TMC1: variants seen among roughly 807,000 people sequenced by gnomAD.
The protein encoded by TMC1 is transmembrane channel-like protein 1.
A neutral mutation model predicts 105.8 loss-of-function variants in TMC1; 84 were observed. The ratio of observed to expected loss-of-function variants is 0.79; its 90% CI spans 0.67 to 0.95. The LOEUF (loss-of-function observed/expected upper bound fraction) is 0.95, where lower values mean the gene tolerates loss of function less well. Among genes scored for constraint, TMC1 ranks in the 40% least tolerant of loss-of-function variants. The pLI is 0.00. For synonymous variants in TMC1, 315 were observed against 311.5 expected, an observed-to-expected ratio of 1.01 and a Z score of -0.12; for missense variants, 817 against 914.1, an observed-to-expected ratio of 0.89 and a Z score of 1.37.
intron 5 of TMC1, among the ~76,000 whole-genome samples, chr9:72,656,791 C>G: frequency 6.6e-6 from 1 of 151,870 alleles, no homozygotes; most frequent in African/African-American, 2.4e-5. Flanking sequence ...TTTTTTTCCC[C>G]CCTCCGGGAT....
chr9:72,666,437 G>T (rs1017134363), intron 5 of TMC1, among the ~76,000 whole-genome samples: 1 of 152,080 alleles, frequency 6.6e-6, no homozygotes, highest in Non-Finnish European at 1.5e-5. Flanking sequence ...CTTCTTCTTT[G>T]TGACTTTGCT....
chr9:72,636,684 G>A (rs1825538860), intron 4 of TMC1, among the ~76,000 whole-genome samples: 1 of 129,114 alleles, frequency 7.7e-6, no homozygotes, highest in Admixed American at 9.1e-5. Flanking sequence ...CTCCAGCCTG[G>A]GTGACAGAGC....
chr9:72,730,909 A>T (rs1398029458), intron 8 of TMC1, among the ~76,000 whole-genome samples: 1 of 152,212 alleles, frequency 6.6e-6, no homozygotes, highest in East Asian at 1.9e-4. Flanking sequence ...GTGACTGCTG[A>T]TCTGACAGCA....
At chr9:72,739,368 A>G (rs1220127228) in intron 8 of TMC1, among the ~76,000 whole-genome samples, 1 of 152,240 alleles carries the variant, frequency 6.6e-6, no homozygotes, top group African/African-American at 2.4e-5. Context: ...TGATAGGGAC[A>G]AAAACATTCA....
intron 18 of TMC1, among the ~76,000 whole-genome samples, chr9:72,806,164 G>A (rs962790356): frequency 1.0e-4 from 15 of 150,562 alleles, no homozygotes; most frequent in Non-Finnish European, 1.6e-4. Context: ...GCGGCTGGCC[G>A]GGCGGGGGGC....
chr9:72,544,567 C>A (rs553467966), intron 1 of TMC1, among the ~76,000 whole-genome samples: 2 of 150,712 alleles, frequency 1.3e-5, no homozygotes, highest in East Asian at 2.0e-4. Context: ...GCAACCTCCA[C>A]CTCCTGGGTT....
intron 1 of TMC1, among the ~76,000 whole-genome samples, chr9:72,569,129 T>C (rs1824220848): frequency 6.6e-6 from 1 of 152,226 alleles, no homozygotes; most frequent in Non-Finnish European, 1.5e-5. Flanking sequence ...TATAAAATGG[T>C]ACAGTATTTG....
chr9:72,790,542 C>A (rs1828250138), intron 15 of TMC1, among the ~76,000 whole-genome samples: 1 of 152,096 alleles, frequency 6.6e-6, no homozygotes. Context: ...CATTATCATG[C>A]AGCTTTGGTC....
chr9:72,718,802 G>T (rs1321470877), intron 8 of TMC1, among the ~76,000 whole-genome samples: 1 of 152,148 alleles, frequency 6.6e-6, no homozygotes, highest in Non-Finnish European at 1.5e-5. Flanking sequence ...TAGCTACCAG[G>T]GTGGGTAGGG....
At chr9:72,527,264 T>C (rs1413905021) in intron 1 of TMC1, among the ~76,000 whole-genome samples, 1 of 152,156 alleles carries the variant, frequency 6.6e-6, no homozygotes. Context: ...AGCATGATGA[T>C]TGGGTGTTCA....
chr9:72,803,759 T>C (rs771433850), intron 17 of TMC1, among the ~76,000 whole-genome samples: 10 of 152,180 alleles, frequency 6.6e-5, no homozygotes, highest in Non-Finnish European at 1.2e-4. Context: ...TGCAGAGAGA[T>C]AGGAAGGCTT....
chr9:72,641,342 C>G (rs998048524), intron 4 of TMC1, among the ~76,000 whole-genome samples: 1 of 152,204 alleles, frequency 6.6e-6, no homozygotes, highest in Non-Finnish European at 1.5e-5. Flanking sequence ...ATCCACCTGC[C>G]TTGGCCTCCC....
At position 72,646,197 on chromosome 9, in the gene TMC1, T is replaced by C. The variant is rs532144534; in HGVS notation, c.-52-2400T>C. ...ATGATCATATTTTGCAATATTTTTG[T>C]TATTGTTATTCTATTATGAACAGTG... On this transcript the variant is annotated intron_variant, in intron 4 of 23. Transcript: ENST00000297784. 3.9e-5 allele frequency among the ~76,000 whole-genome samples: 6 copies of C among 152,294 alleles called. No individual in the cohort carries two copies. The Middle Eastern group carries it at 0.014, about 345-fold the overall frequency.
chr9:72,559,143 G>A (rs967716235), intron 1 of TMC1, among the ~76,000 whole-genome samples: 1 of 150,518 alleles, frequency 6.6e-6, no homozygotes, highest in African/African-American at 2.5e-5. Context: ...CGCCCAGGCT[G>A]GAGTGCAATG....
chr9:72,764,805 C>T (rs1173959613), intron 12 of TMC1, among the ~76,000 whole-genome samples: 1 of 152,098 alleles, frequency 6.6e-6, no homozygotes, highest in Non-Finnish European at 1.5e-5. Context: ...GTTGGGAATA[C>T]AAAGACAACT....
chr9:72,831,650 A>G (rs1829043790), intron 23 of TMC1, among the ~76,000 whole-genome samples: 1 of 151,790 alleles, frequency 6.6e-6, no homozygotes, highest in Admixed American at 6.6e-5. Flanking sequence ...AAGTGTTCTC[A>G]TTGTTCAATT....
At chr9:72,592,228 G>C (rs1824651723) in intron 2 of TMC1, among the ~76,000 whole-genome samples, 1 of 152,182 alleles carries the variant, frequency 6.6e-6, no homozygotes. Context: ...GACCTGAGAA[G>C]ATGGTGAAGT....
intron 2 of TMC1, among the ~76,000 whole-genome samples, chr9:72,588,084 CAG>C (rs1824582176): frequency 6.6e-6 from 1 of 151,982 alleles, no homozygotes; most frequent in Non-Finnish European, 1.5e-5. Context: ...CCATTGTGCC[CAG>C]AGAGAGTGCA....
intron 2 of TMC1, among the ~76,000 whole-genome samples, chr9:72,587,116 A>T (rs1048355628): frequency 1.3e-5 from 2 of 151,972 alleles, no homozygotes; most frequent in African/African-American, 4.8e-5. Context: ...GGCCCAAAAT[A>T]TCAGTAGTGC....
Sources: gnomAD v4.1 joint callset for allele counts (sites outside exome capture counted in the v4.1 genomes callset) on GRCh38, gnomAD v4.1.1 for gene constraint, MANE v1.5 for transcripts, NCBI Gene and HGNC (gene_info 2026-07-23, HGNC 2026-07-21) for gene names.